Variants in LMO7 observed in about 807,000 individuals in gnomAD.
The protein encoded by LMO7 is LIM domain 7, also known as LIM domain only protein 7.
A neutral mutation model predicts 206.5 loss-of-function variants in LMO7; 120 were observed. That is an observed-to-expected ratio of 0.58 (90% confidence interval 0.50 to 0.68). LMO7 has a LOEUF of 0.68. LMO7 is among the 30% of genes least tolerant of loss of function. LMO7 has a pLI of 0.00. For missense variants in LMO7, 1,959 were observed against 1,957.9 expected (o/e 1.00, Z -0.01); for synonymous variants, 706 against 681.5 (o/e 1.04, Z -0.56).
At chr13:75,663,436 T>TTTCTTTCTTTC (rs1566286871) in intron 1 of LMO7, among the ~76,000 whole-genome samples, 6 of 18,016 alleles carry the variant, frequency 3.3e-4, no homozygotes, top group South Asian at 1.4e-3. Context: ...TTCTTTCTTT[T>TTTCTTTCTTTC]TTTTTTTTTT....
chr13:75,698,969 A>T (rs1255950569), intron 1 of LMO7, among the ~76,000 whole-genome samples: 1 of 152,002 alleles, frequency 6.6e-6, no homozygotes, highest in Non-Finnish European at 1.5e-5. Context: ...GTCACTCTCC[A>T]TTCTCTCTCT....
rs139995204 is a variant in LMO7 at position 75,621,513 on chromosome 13, A to C, written c.-181A>C. 317 of 363,688 alleles carry C rather than the reference A, an allele frequency of 8.7e-4. 4 individuals are homozygous for C. Among genetic ancestry groups the C allele is most frequent in the African/African-American group, 6.0e-3 (286 of 48,054 alleles). 22.5% of individuals were successfully genotyped at this position (363,688 alleles called of 1,614,324 possible). A position where few individuals can be genotyped will look rare whatever the true frequency, so the allele number is the denominator to read the frequency against. On this transcript the variant is annotated 5_prime_UTR_variant, in exon 1 of 30. Transcript: ENST00000341547. The stretch of plus-strand genomic sequence containing the variant: ...TCTTTTTGATAACTATGTTTATAGA[A>C]TCTAAATCACCCTGAGCAATTATTT...
At chr13:75,642,674 A>C (rs1230184840) in intron 1 of LMO7, among the ~76,000 whole-genome samples, 1 of 152,134 alleles carries the variant, frequency 6.6e-6, no homozygotes. Flanking sequence ...CACTGGGTGA[A>C]AAAAACGGTT....
At chr13:75,669,102 A>G (rs2039320428) in intron 1 of LMO7, among the ~76,000 whole-genome samples, 1 of 152,206 alleles carries the variant, frequency 6.6e-6, no homozygotes, top group African/African-American at 2.4e-5. Context: ...CCCAGGAAAA[A>G]GATTCCAAAG....
Position 75,840,499 on chromosome 13 carries a change from G to T in LMO7, c.3582+4G>T, listed in dbSNP as rs756076851. The T allele has an allele frequency of 2.5e-6, 4 of 1,613,498 alleles. No individual in the cohort carries two copies. Among genetic ancestry groups the T allele is most frequent in the Non-Finnish European group, 3.4e-6 (4 of 1,179,794 alleles). On this transcript the variant is annotated splice_donor_region_variant and intron_variant, in intron 22 of 30. Coordinates refer to ENST00000377534, the MANE Select transcript of LMO7 (RefSeq NM_001306080.2). Reference sequence around the variant, plus strand: ...GGAGCAGGACCGCCTACTGCAGGTAGCTCTGGCTCACGTGGACGGGTAGAA... The same window carrying T: ...GGAGCAGGACCGCCTACTGCAGGTATCTCTGGCTCACGTGGACGGGTAGAA...
chr13:75,852,468 G>A (rs1307553814), intron 27 of LMO7, among the ~76,000 whole-genome samples: 2 of 152,008 alleles, frequency 1.3e-5, no homozygotes, highest in Non-Finnish European at 2.9e-5. Context: ...AAACCTGCAC[G>A]TGTATCCCCT....
At position 75,636,627 on chromosome 13, in the gene LMO7, C is replaced by T. The variant is rs866886916; in HGVS notation, c.-31C>T. 3 of 1,561,858 alleles carry T rather than the reference C, an allele frequency of 1.9e-6. No homozygotes were observed. Among genetic ancestry groups the T allele is most frequent in the Middle Eastern group, 3.4e-4 (2 of 5,858 alleles). The stretch of plus-strand genomic sequence containing the variant: ...GACAACCCCTCCCCTCCACGCATCC[C>T]GAGTCTCTCTCTCCCTCCCTTGTCC... On this transcript the variant is annotated 5_prime_UTR_variant, in exon 1 of 31. Transcript: ENST00000377534.
intron 1 of LMO7, among the ~76,000 whole-genome samples, chr13:75,663,194 G>A (rs2038765051): frequency 6.6e-6 from 1 of 151,300 alleles, no homozygotes; most frequent in African/African-American, 2.4e-5. Context: ...ATTCTTTTGG[G>A]TTGACTGTTT....
chr13:75,688,814 A>G (rs1332743216), intron 1 of LMO7: 1 of 150,496 alleles, frequency 6.6e-6, no homozygotes, highest in Non-Finnish European at 1.5e-5. Flanking sequence ...TCTTTTTTCT[A>G]TTTCTTCAAA....
In LMO7 at chr13:75,687,204, A is replaced by G. The variant is rs921131341; in HGVS notation, c.70-25978A>G. ...ATTTGTTTCTATAAAGTGACCACTGATTGTGTGAGGAGTCTAAAACTTGAC... is the reference window on the plus strand; with the variant it reads ...ATTTGTTTCTATAAAGTGACCACTGGTTGTGTGAGGAGTCTAAAACTTGAC... On this transcript the variant is annotated intron_variant, in intron 1 of 30. Coordinates refer to ENST00000377534, the MANE Select transcript of LMO7 (RefSeq NM_001306080.2). 2.9e-4 allele frequency among the ~76,000 whole-genome samples: 44 copies of G among 152,240 alleles called. 1 individual carries two copies. Among genetic ancestry groups the G allele is most frequent in the African/African-American group, 8.7e-4 (36 of 41,556 alleles).
chr13:75,721,611 C>G (rs1169693003), intron 2 of LMO7, among the ~76,000 whole-genome samples: 2 of 152,092 alleles, frequency 1.3e-5, no homozygotes, highest in Non-Finnish European at 2.9e-5. Context: ...TAATGATCTC[C>G]CATTCTGTCC....
At chr13:75,799,244 A>G (rs2054428497) in intron 6 of LMO7, among the ~76,000 whole-genome samples, 1 of 152,222 alleles carries the variant, frequency 6.6e-6, no homozygotes, top group East Asian at 1.9e-4. Context: ...ACAGCTGCTA[A>G]TTATTCACTG....
At chr13:75,692,467 C>T (rs1169080174) in intron 1 of LMO7, among the ~76,000 whole-genome samples, 1 of 151,614 alleles carries the variant, frequency 6.6e-6, no homozygotes, top group Non-Finnish European at 1.5e-5. Flanking sequence ...CTTACTGCAG[C>T]CTTGAACTTC....
intron 1 of LMO7, among the ~76,000 whole-genome samples, chr13:75,686,377 G>C (rs576100780): frequency 2.0e-4 from 30 of 152,116 alleles, no homozygotes; most frequent in Admixed American, 1.9e-3. Flanking sequence ...TCATCATCAC[G>C]AGAACAGCAT....
intron 10 of LMO7, 47 bp from the exon 11 acceptor site, chr13:75,809,107 T>C (rs200679197): frequency 8.9e-6 from 13 of 1,457,822 alleles, no homozygotes; most frequent in East Asian, 4.5e-5. Flanking sequence ...GAAACTAATA[T>C]GACTGGGAAA....
chr13:75,706,430 GA>G (rs1265552602), intron 1 of LMO7, among the ~76,000 whole-genome samples: 2 of 152,302 alleles, frequency 1.3e-5, no homozygotes, highest in Admixed American at 6.5e-5. Context: ...TAAAAAATCA[GA>G]TTTTTCGAGT....
At chr13:75,761,076 TTTA>T in intron 4 of LMO7, 38 bp downstream of exon 4, 3 of 1,274,852 alleles carry the variant, frequency 2.4e-6, no homozygotes, top group Non-Finnish European at 3.3e-6. Flanking sequence ...TATATATATA[TTTA>T]AACTTAGGGC....
intron 3 of LMO7, among the ~76,000 whole-genome samples, chr13:75,734,586 A>G (rs2045611043): frequency 1.3e-5 from 2 of 152,248 alleles, no homozygotes; most frequent in Admixed American, 6.5e-5. Flanking sequence ...TGAAAATGTC[A>G]TTAAATTCTT....
rs759282107 is a variant in LMO7, at chr13:75,734,184, C to G, written c.210+7086C>G. ...GGTTCTGTAGGTTCTTTCTAGCTTT[C>G]AAATCAGGATTTTGTGTATAAAATA... On this transcript the variant is annotated intron_variant, in intron 3 of 30. Coordinates refer to ENST00000377534, the MANE Select transcript of LMO7 (RefSeq NM_001306080.2). 5.9e-4 allele frequency among the ~76,000 whole-genome samples: 90 copies of G among 152,288 alleles called. 1 individual carries two copies. Among genetic ancestry groups the G allele is most frequent in the Non-Finnish European group, 1.1e-3 (75 of 68,024 alleles).
Sources: gnomAD v4.1 joint callset for allele counts (sites outside exome capture counted in the v4.1 genomes callset) on GRCh38, gnomAD v4.1.1 for gene constraint, MANE v1.5 for transcripts, NCBI Gene and HGNC (gene_info 2026-07-23, HGNC 2026-07-21) for gene names.